KCNIP1: variants seen among roughly 807,000 people sequenced by gnomAD.
The protein encoded by KCNIP1 is potassium voltage-gated channel interacting protein 1.
Under a neutral mutation model 33.0 loss-of-function variants are expected in KCNIP1, and 18 were observed. The ratio of observed to expected loss-of-function variants is 0.55; its 90% CI spans 0.38 to 0.81. The LOEUF (loss-of-function observed/expected upper bound fraction) is 0.81. Among genes scored for constraint, KCNIP1 ranks in the 30% least tolerant of loss-of-function variants. The pLI is 0.00. For synonymous variants in KCNIP1, 93 were observed against 98.3 expected (o/e 0.95, Z 0.32); for missense variants, 238 against 271.6 (o/e 0.88, Z 0.87).
At chr5:170,557,861 T>C (rs1756894282) in intron 1 of KCNIP1, among the ~76,000 whole-genome samples, 1 of 152,220 alleles carries the variant, frequency 6.6e-6, no homozygotes, top group Non-Finnish European at 1.5e-5. Context: ...TTGAGTTTTC[T>C]AGCATAAGGT....
intron 1 of KCNIP1, among the ~76,000 whole-genome samples, chr5:170,702,449 G>T (rs557267312): frequency 6.6e-6 from 1 of 152,248 alleles, no homozygotes; most frequent in Admixed American, 6.5e-5. Context: ...CTGCTTTGAT[G>T]CTCAGAAAAA....
At position 170,504,725 on chromosome 5, in the gene KCNIP1, C is replaced by A; in HGVS notation, c.61+92C>A. The A allele has an allele frequency of 9.5e-7, 1 of 1,051,782 alleles. No homozygotes were observed. Among genetic ancestry groups the A allele is most frequent in the South Asian group, 1.3e-5 (1 of 78,868 alleles). The allele number at this position is 1,051,782 out of a possible 1,614,324, so 65.2% of individuals were successfully genotyped here. ...TGCCACCTGCCTCCCTTAGTCCGGA[C>A]TCTCCTCTCCACGAGGAGCCCGGAC... On this transcript the variant is annotated intron_variant, in intron 1 of 7. Coordinates refer to ENST00000328939, the MANE Select transcript of KCNIP1 (RefSeq NM_014592.4). This position sits in a 1 kb window ranked among gnomAD's most constrained non-coding sequence, Gnocchi z 6.0.
At chr5:170,674,800 C>A (rs2135047) in intron 1 of KCNIP1, among the ~76,000 whole-genome samples, 1 of 151,906 alleles carries the variant, frequency 6.6e-6, no homozygotes, top group South Asian at 2.1e-4. Context: ...TGCCTCCTTC[C>A]TCTCCAGTCT....
chr5:170,686,900 C>A (rs1043091023), intron 1 of KCNIP1, among the ~76,000 whole-genome samples: 2 of 152,098 alleles, frequency 1.3e-5, no homozygotes, highest in African/African-American at 4.8e-5. Flanking sequence ...TCTGCAGATT[C>A]CTCCTCTCTA....
chr5:170,513,541 C>T (rs1384564100), intron 1 of KCNIP1, among the ~76,000 whole-genome samples: 2 of 152,228 alleles, frequency 1.3e-5, no homozygotes, highest in African/African-American at 4.8e-5. Context: ...CTTGACTCCA[C>T]CAGCCATCAT....
chr5:170,641,732 C>A (rs965761453), intron 1 of KCNIP1, among the ~76,000 whole-genome samples: 2 of 152,322 alleles, frequency 1.3e-5, no homozygotes, highest in Non-Finnish European at 2.9e-5. Context: ...TTGCACTGGG[C>A]TGCCTGCTCC....
rs372234509 is a variant in KCNIP1, at chr5:170,424,802, G to C, written c.88+70838G>C. Among the ~76,000 whole-genome samples the C allele has an allele frequency of 5.4e-4, 82 of 152,300 alleles. No individual in the cohort carries two copies. In the South Asian group the frequency reaches 0.016, roughly 30 times the overall value. ...CTCCAATGGCATCCCACCACTCTTA[G>C]AATAAAGCCCAACCTCCCACCATGG... On this transcript the variant is annotated intron_variant, in intron 1 of 7. Transcript: ENST00000377360.
At chr5:170,371,030 TG>T (rs1763828842) in intron 1 of KCNIP1, among the ~76,000 whole-genome samples, 2 of 152,204 alleles carry the variant, frequency 1.3e-5, no homozygotes, top group South Asian at 4.1e-4. Flanking sequence ...ACCCATGGTT[TG>T]GGAACACTTG....
At chr5:170,568,153 G>T (rs902247666) in intron 1 of KCNIP1, among the ~76,000 whole-genome samples, 7 of 152,168 alleles carry the variant, frequency 4.6e-5, no homozygotes, top group African/African-American at 1.7e-4. Context: ...TTTTGCAAAT[G>T]TGTTGTTGTG....
intron 1 of KCNIP1, among the ~76,000 whole-genome samples, chr5:170,455,850 C>T (rs957039212): frequency 1.3e-5 from 2 of 152,196 alleles, no homozygotes; most frequent in African/African-American, 4.8e-5. Flanking sequence ...GAGAAAGTTA[C>T]ACTGTTGGTG....
chr5:170,453,941 T>C (rs1001352404), intron 1 of KCNIP1, among the ~76,000 whole-genome samples: 6 of 152,100 alleles, frequency 3.9e-5, no homozygotes, highest in Non-Finnish European at 7.4e-5. Flanking sequence ...ACAAGTAAAA[T>C]ACAGACCAGC....
chr5:170,364,752 G>C (rs1486583669), intron 1 of KCNIP1, among the ~76,000 whole-genome samples: 2 of 152,168 alleles, frequency 1.3e-5, no homozygotes, highest in Admixed American at 6.5e-5. Context: ...ACATGTGTTT[G>C]CTTGGTGATT....
chr5:170,450,423 T>C (rs184831532), intron 1 of KCNIP1, among the ~76,000 whole-genome samples: 129 of 152,344 alleles, frequency 8.5e-4, no homozygotes, highest in African/African-American at 2.9e-3. Flanking sequence ...CACCCCTGTC[T>C]GTCTTCCTTT....
chr5:170,669,225 G>A (rs1275226443), intron 1 of KCNIP1, among the ~76,000 whole-genome samples: 1 of 152,206 alleles, frequency 6.6e-6, no homozygotes, highest in East Asian at 1.9e-4. Flanking sequence ...ACTCTTTCTA[G>A]CTCAGCAGTG....
intron 5 of KCNIP1, among the ~76,000 whole-genome samples, chr5:170,731,872 CAAAAAAAAAAAA>C (rs1157286321): frequency 5.9e-5 from 1 of 16,900 alleles, no homozygotes; most frequent in Non-Finnish European, 1.2e-4. Flanking sequence ...GACTCCGTCT[CAAAAAAAAAAAA>C]AAAAAAAAAA....
chr5:170,507,697 A>G (rs887043318), intron 1 of KCNIP1, among the ~76,000 whole-genome samples: 3 of 152,242 alleles, frequency 2.0e-5, no homozygotes, highest in Admixed American at 6.5e-5. Context: ...TAGTTTTTAA[A>G]TAGGGCAAAA....
At position 170,715,055 on chromosome 5, in the gene KCNIP1, G is replaced by A. The variant is rs546166817; in HGVS notation, c.62-3703G>A. 3.3e-5 allele frequency among the ~76,000 whole-genome samples: 5 copies of A among 152,206 alleles called. No homozygotes were observed. In the South Asian group the frequency reaches 6.2e-4, roughly 19 times the overall value. On this transcript the variant is annotated intron_variant, in intron 1 of 7. Transcript: ENST00000328939. ...TCCATTCATGGTAAGTGCCCTAATA[G>A]TTGTACCATTTTTTATTTTTTACAC... is the stretch of plus-strand genomic sequence containing the variant.
intron 1 of KCNIP1, among the ~76,000 whole-genome samples, chr5:170,687,786 T>C (rs1290604393): frequency 1.3e-5 from 2 of 152,224 alleles, no homozygotes; most frequent in Non-Finnish European, 2.9e-5. Context: ...TAACTCACTT[T>C]TTACATTTGC....
intron 1 of KCNIP1, among the ~76,000 whole-genome samples, chr5:170,445,885 T>A (rs1227444818): frequency 6.6e-6 from 1 of 152,238 alleles, no homozygotes; most frequent in Non-Finnish European, 1.5e-5. Flanking sequence ...TCCTAATTCA[T>A]CACTGCACAC....
Sources: gnomAD v4.1 joint callset for allele counts (sites outside exome capture counted in the v4.1 genomes callset) on GRCh38, gnomAD v4.1.1 for gene constraint, Gnocchi (gnomAD v3.1) non-coding constraint, MANE v1.5 for transcripts, NCBI Gene and HGNC (gene_info 2026-07-23, HGNC 2026-07-21) for gene names.